Variants in TRIO observed in about 807,000 individuals in gnomAD.
TRIO encodes trio Rho guanine nucleotide exchange factor.
In TRIO, 58 loss-of-function variants were observed where a neutral mutation model predicts 351.9. That is an observed-to-expected ratio of 0.16 (90% CI 0.13 to 0.21). The LOEUF (loss-of-function observed/expected upper bound fraction) is 0.21, where lower values mean the gene tolerates loss of function less well. TRIO is among the 10% of genes least tolerant of loss of function. The pLI, the probability that TRIO is intolerant of heterozygous loss-of-function variation, is 1.00. For missense variants in TRIO, 3,201 were observed against 4,027.8 expected (o/e 0.79, Z 5.56); for synonymous variants, 1,758 against 1,595.7 (o/e 1.10, Z -2.42).
At chr5:14,208,129 A>G (rs773365569) in intron 1 of TRIO, among the ~76,000 whole-genome samples, 27 of 152,240 alleles carry the variant, frequency 1.8e-4, no homozygotes, top group Non-Finnish European at 3.4e-4. Flanking sequence ...TAGGCTTATC[A>G]TTTGAACCAG....
chr5:14,235,483 T>TA (rs1793709390), intron 1 of TRIO, among the ~76,000 whole-genome samples: 1 of 152,194 alleles, frequency 6.6e-6, no homozygotes. Flanking sequence ...AGACAATAAA[T>TA]ATGTCTGTCA....
Position 14,293,132 on chromosome 5 carries a change from A to G in TRIO, c.1174A>G (p.Met392Val), listed in dbSNP as rs923928916. ...GCACAATCACTTTGCCATGAACTGT[A>G]TGGTAAGACACTCGGAACAGCTGGA... is the stretch of plus-strand genomic sequence containing the variant. ...TQHNHFAMNC[M>V]NVYVNINRIM... The change falls in exon 6 of 57, where the codon ATG becomes GTG. Residue 392 changes from methionine (M) to valine (V), a missense_variant and splice_region_variant. Transcript: ENST00000344204. 4 of 1,614,136 alleles carry G rather than the reference A, an allele frequency of 2.5e-6. No individual in the cohort carries two copies. Among genetic ancestry groups the G allele is most frequent in the Non-Finnish European group, 2.5e-6 (3 of 1,179,980 alleles).
intron 45 of TRIO, 133 bp downstream of exon 45, chr5:14,481,751 T>A: frequency 7.0e-6 from 4 of 572,514 alleles, no homozygotes; most frequent in Non-Finnish European, 1.2e-5. Context: ...TTTACCTCAA[T>A]CTGATTGATA....
intron 49 of TRIO, among the ~76,000 whole-genome samples, chr5:14,495,675 A>G (rs1357376417): frequency 1.4e-5 from 2 of 147,348 alleles, no homozygotes; most frequent in Non-Finnish European, 3.0e-5. Flanking sequence ...AAAAAAAAAA[A>G]AAAAAAAAAA....
chr5:14,191,709 T>C (rs897224504), intron 1 of TRIO, among the ~76,000 whole-genome samples: 2 of 152,196 alleles, frequency 1.3e-5, no homozygotes, highest in African/African-American at 4.8e-5. Context: ...TTAATTCTGA[T>C]ACTGAAGTTG....
intron 21 of TRIO, among the ~76,000 whole-genome samples, chr5:14,385,919 T>C (rs1472679397): frequency 6.6e-6 from 1 of 152,216 alleles, no homozygotes; most frequent in Non-Finnish European, 1.5e-5. Flanking sequence ...CCCTTAAAGA[T>C]AGACATACAG....
intron 1 of TRIO, among the ~76,000 whole-genome samples, chr5:14,229,246 A>G (rs1793247854): frequency 2.0e-5 from 3 of 152,200 alleles, no homozygotes. Context: ...AAATAGCCGG[A>G]TAAATACTTT....
chr5:14,189,819 A>C (rs143818114), intron 1 of TRIO, among the ~76,000 whole-genome samples: 1 of 150,606 alleles, frequency 6.6e-6, no homozygotes, highest in African/African-American at 2.5e-5. Context: ...CAGCCTTTGC[A>C]TCCTGGGCTC....
intron 11 of TRIO, among the ~76,000 whole-genome samples, chr5:14,351,207 T>G (rs1743058735): frequency 1.3e-5 from 2 of 152,234 alleles, no homozygotes; most frequent in Non-Finnish European, 2.9e-5. Flanking sequence ...CTTCCCGGAC[T>G]CTACTCTTTC....
intron 21 of TRIO, 59 bp downstream of exon 21, chr5:14,381,311 T>C: frequency 6.5e-7 from 1 of 1,533,222 alleles, no homozygotes; most frequent in Non-Finnish European, 8.7e-7. Context: ...TCTTCAAAAA[T>C]ATCATAAAGA....
At chr5:14,409,081 A>G (rs1439051981) in intron 33 of TRIO, among the ~76,000 whole-genome samples, 1 of 151,960 alleles carries the variant, frequency 6.6e-6, no homozygotes, top group Non-Finnish European at 1.5e-5. Context: ...ATTATTCCGG[A>G]CAGAGTTGCT....
chr5:14,390,266 T>G lies in TRIO; in HGVS notation c.4094T>G (p.Leu1365Trp). The change falls in exon 26 of 57, where the codon TTG becomes TGG. Residue 1365 changes from leucine (L) to tryptophan (W), a missense_variant. By Grantham distance (61) the Leu-to-Trp change is moderately conservative (BLOSUM62 -2). Around this residue, in one of 19 missense-constraint regions of TRIO, gnomAD observed 115 missense variants for 239.6 expected, o/e 0.48. Transcript: ENST00000344204. Reference protein sequence around the residue: ...FLKELEKYEQLPEDVGHCFVT... With the variant: ...FLKELEKYEQWPEDVGHCFVT... ...AAGGAGCTGGAAAAATATGAACAGT[T>G]GCCAGAGGATGTTGGACATTGTTTT... 6 of 1,614,116 alleles carry G rather than the reference T, an allele frequency of 3.7e-6. No individual in the cohort carries two copies. Among genetic ancestry groups the G allele is most frequent in the Non-Finnish European group, 5.1e-6 (6 of 1,180,022 alleles).
chr5:14,200,127 T>A (rs971601596), intron 1 of TRIO, among the ~76,000 whole-genome samples: 5 of 152,104 alleles, frequency 3.3e-5, no homozygotes, highest in Non-Finnish European at 2.9e-5. Flanking sequence ...GACAGCAGTG[T>A]CCTCTGGGTG....
chr5:14,306,900 A>G (rs765596936), intron 8 of TRIO, among the ~76,000 whole-genome samples: 3 of 152,290 alleles, frequency 2.0e-5, no homozygotes, highest in African/African-American at 4.8e-5. Flanking sequence ...TTTGATTTAC[A>G]TTGGTACCAG....
chr5:14,311,328 A>G (rs1161724417), intron 8 of TRIO, among the ~76,000 whole-genome samples: 6 of 152,242 alleles, frequency 3.9e-5, no homozygotes, highest in Non-Finnish European at 8.8e-5. Flanking sequence ...ACCAAGGTAA[A>G]CTGATCTGGT....
At chr5:14,358,378 G>T (rs372082686) in intron 12 of TRIO, 31 bp downstream of exon 12, 148 of 1,608,232 alleles carry the variant, frequency 9.2e-5, no homozygotes, top group Non-Finnish European at 1.2e-4. Context: ...GGTCCGAACA[G>T]ATTCTGAAAC....
chr5:14,255,201 C>T (rs1794961962), intron 1 of TRIO, among the ~76,000 whole-genome samples: 1 of 152,176 alleles, frequency 6.6e-6, no homozygotes, highest in Admixed American at 6.5e-5. Context: ...ATGTGGAATA[C>T]AACCCTTTGG....
At chr5:14,427,865 C>T (rs1750781217) in intron 34 of TRIO, among the ~76,000 whole-genome samples, 1 of 152,126 alleles carries the variant, frequency 6.6e-6, no homozygotes, top group South Asian at 2.1e-4. Context: ...CACATATAGC[C>T]ACCAACACAA....
intron 1 of TRIO, among the ~76,000 whole-genome samples, chr5:14,223,075 G>T (rs1792751463): frequency 6.6e-6 from 1 of 152,192 alleles, no homozygotes; most frequent in Non-Finnish European, 1.5e-5. Context: ...CTGACACAGA[G>T]GCAGGTAAGA....
Sources: allele counts gnomAD v4.1 joint callset (sites outside exome capture counted in the v4.1 genomes callset), GRCh38; gene constraint gnomAD v4.1.1; regional missense constraint gnomAD v4.1.1; transcripts MANE v1.5; gene names NCBI Gene and HGNC (gene_info 2026-07-23, HGNC 2026-07-21).